Variants in DOCK6 observed in about 807,000 individuals in gnomAD.
The protein encoded by DOCK6 is dedicator of cytokinesis 6, also known as dedicator of cytokinesis protein 6.
Under a neutral mutation model 230.3 loss-of-function variants are expected in DOCK6, and 167 were observed. The observed-to-expected ratio is 0.73, with a 90% CI of 0.64 to 0.82. The LOEUF (loss-of-function observed/expected upper bound fraction) is 0.82. DOCK6 is among the 40% of genes least tolerant of loss of function. DOCK6 has a pLI of 0.00. For missense variants in DOCK6, 2,598 were observed against 2,825.8 expected (o/e 0.92, Z 1.83); for synonymous variants, 1,148 against 1,185.0 (o/e 0.97, Z 0.64).
intron 1 of DOCK6, among the ~76,000 whole-genome samples, chr19:11,258,850 G>A (rs60279718): frequency 0.017 from 2,651 of 151,508 alleles, 59 homozygotes; most frequent in African/African-American, 0.059. Context: ...TCCACGTCCC[G>A]GGTTCAAGTG....
At chr19:11,229,088 C>A in intron 22 of DOCK6, 53 bp from the exon 23 acceptor site, 1 of 1,552,024 alleles carries the variant, frequency 6.4e-7, no homozygotes, top group Non-Finnish European at 8.8e-7. Context: ...CTTCCCGTAC[C>A]CCCTCTGGAG....
rs1308291669 is a variant in DOCK6 at position 11,214,561 on chromosome 19, T to TG, written c.4194dup (p.Ile1399HisfsTer124). The TG allele has an allele frequency of 6.2e-7, 1 of 1,613,886 alleles. No homozygotes were observed. Among genetic ancestry groups the TG allele is most frequent in the Admixed American group, 1.7e-5 (1 of 60,012 alleles). The stretch of plus-strand genomic sequence containing the variant: ...GCTGGATCAAGCCCTACCTGCACGA[T>TG]GATCTCCAGTGTGTCCAGAACCACT... On this transcript the variant is annotated frameshift_variant, in exon 33 of 48. Transcript: ENST00000294618. LOFTEE classifies it high-confidence loss of function.
chr19:11,233,142 C>T, intron 22 of DOCK6, 61 bp downstream of exon 22: 1 of 1,576,608 alleles, frequency 6.3e-7, no homozygotes. Context: ...AGATTCTTCG[C>T]CCACACACGT....
At chr19:11,227,634 G>A (rs553712142) in intron 23 of DOCK6, among the ~76,000 whole-genome samples, 157 bp from the exon 24 acceptor site, 32 of 151,270 alleles carry the variant, frequency 2.1e-4, no homozygotes, top group Non-Finnish European at 4.1e-4. Context: ...CAGGAGGGGC[G>A]GGGCTTTATT....
At chr19:11,211,922 G>T in intron 36 of DOCK6, 46 bp from the exon 37 acceptor site, 1 of 1,531,534 alleles carries the variant, frequency 6.5e-7, no homozygotes, top group Admixed American at 1.9e-5. Context: ...ATTAGGAAGT[G>T]AAGGGAGCCA....
chr19:11,258,562 A>G (rs1031716951), intron 1 of DOCK6, among the ~76,000 whole-genome samples: 1 of 148,832 alleles, frequency 6.7e-6, no homozygotes, highest in African/African-American at 2.5e-5. Context: ...CCTCCTGAGT[A>G]GCTGGGATTA....
At chr19:11,215,498 G>C in intron 31 of DOCK6, 27 bp from the exon 32 acceptor site, 1 of 1,596,188 alleles carries the variant, frequency 6.3e-7, no homozygotes, top group East Asian at 2.2e-5. Flanking sequence ...CACGATCACA[G>C]ATGCGTAAAA....
intron 24 of DOCK6, 107 bp from the exon 25 acceptor site, chr19:11,223,213 C>A: frequency 2.0e-6 from 2 of 1,004,898 alleles, no homozygotes; most frequent in Non-Finnish European, 2.9e-6. Context: ...ATCACTGCCC[C>A]AAAGCCTTTG....
At chr19:11,217,206 T>C (rs764689076) in intron 29 of DOCK6, 25 bp downstream of exon 29, 1 of 1,608,612 alleles carries the variant, frequency 6.2e-7, no homozygotes, top group Admixed American at 1.7e-5. Context: ...GGATGATGTC[T>C]ATGGGGACAA....
In DOCK6 at chr19:11,252,249, C is replaced by T. The variant is rs781268556; in HGVS notation, c.378-1G>A. 6.3e-7 allele frequency: 1 copy of T among 1,582,494 alleles called. No homozygotes were observed. ...GTATGCTGCACTCAGGTACTGATAC[C>T]TAGCAGGAAACGGGGCTGGGCAGGT... On this transcript the variant is annotated splice_acceptor_variant, in intron 4 of 47. Coordinates refer to ENST00000294618, the MANE Select transcript of DOCK6 (RefSeq NM_020812.4). LOFTEE classifies it high-confidence loss of function.
At chr19:11,235,375 G>A (rs2079829514) in intron 21 of DOCK6, among the ~76,000 whole-genome samples, 1 of 152,134 alleles carries the variant, frequency 6.6e-6, no homozygotes, top group South Asian at 2.1e-4. Context: ...CTCCTAAAGT[G>A]CTGGGATTAT....
At position 11,242,182 on chromosome 19, in the gene DOCK6, C is replaced by T. The variant is rs752669943; in HGVS notation, c.1506G>A (p.Pro502=). Reference sequence around the variant, plus strand: ...GGCAGAAGTGGGGATTTTCAGGAGCCGGAGAAATGTCGATCTTGAGCTGGG... The same window carrying T: ...GGCAGAAGTGGGGATTTTCAGGAGCTGGAGAAATGTCGATCTTGAGCTGGG... ...VTAQLKIDIS[P]APENPHFCLS... is the part of the protein sequence containing the mutation. The change falls in exon 14 of 48, where the codon CCG becomes CCA. Residue 502 remains proline, a synonymous_variant. Transcript: ENST00000294618. The T allele has an allele frequency of 2.5e-5, 37 of 1,459,938 alleles. No homozygotes were observed. The highest frequency in any genetic ancestry group is 1.5e-4 in the South Asian group (9 of 61,306). The allele number at this position is 1,459,938 out of a possible 1,614,324, so 90.4% of individuals were successfully genotyped here. A position where few individuals can be genotyped will look rare whatever the true frequency, so the allele number is the denominator to read the frequency against.
At chr19:11,257,725 G>T (rs917221538) in intron 1 of DOCK6, among the ~76,000 whole-genome samples, 3 of 151,864 alleles carry the variant, frequency 2.0e-5, no homozygotes, top group Admixed American at 6.6e-5. Flanking sequence ...GGAGGTGGAG[G>T]TTGCAGTGAG....
Position 11,253,629 on chromosome 19 carries a change from A to G in DOCK6, c.132+10T>C. ...GCAGAGGGCTGGGGGCGGACCCCCCAAATACTTACCCCCAGGGAGCTGCTG... is the reference window on the plus strand; with the variant it reads ...GCAGAGGGCTGGGGGCGGACCCCCCGAATACTTACCCCCAGGGAGCTGCTG... On this transcript the variant is annotated intron_variant, in intron 2 of 47. Coordinates refer to ENST00000294618, the MANE Select transcript of DOCK6 (RefSeq NM_020812.4). The G allele has an allele frequency of 7.1e-7, 1 of 1,415,966 alleles. No homozygotes were observed. Among genetic ancestry groups the G allele is most frequent in the Middle Eastern group, 1.9e-4 (1 of 5,246 alleles). 87.7% of individuals were successfully genotyped at this position (1,415,966 alleles called of 1,614,324 possible).
chr19:11,250,864 G>C lies in DOCK6; in HGVS notation c.720+10C>G, dbSNP rs759134996. ...TGCTGGTTGGCTGATATCTGGGAAG[G>C]GGCACCCACCTCGTCAGGTGCCGGG... is the stretch of plus-strand genomic sequence containing the variant. On this transcript the variant is annotated intron_variant, in intron 6 of 47. Transcript: ENST00000294618. 2.5e-6 allele frequency: 4 copies of C among 1,591,192 alleles called. No individual in the cohort carries two copies. The African/African-American group carries it at 5.4e-5, about 21-fold the overall frequency.
Position 11,229,281 on chromosome 19 carries a change from G to A in DOCK6, c.2719-246C>T, listed in dbSNP as rs370837130. The A allele has an allele frequency of 5.5e-5, 71 of 1,292,518 alleles. No homozygotes were observed. The African/African-American group carries it at 8.8e-4, about 16-fold the overall frequency. 80.1% of individuals were successfully genotyped at this position (1,292,518 alleles called of 1,614,324 possible). On this transcript the variant is annotated intron_variant, in intron 22 of 47. Transcript: ENST00000294618. ...GACCAGGACAAAAATAGCGTCATCC[G>A]CACCTCCCCCCACTACCTTCTGCAC... is the stretch of plus-strand genomic sequence containing the variant.
At chr19:11,203,589 G>A (rs945302663) in intron 41 of DOCK6, 1 of 162,118 alleles carries the variant, frequency 6.2e-6, no homozygotes, top group Admixed American at 6.3e-5. Flanking sequence ...CCTAAGCAGG[G>A]AAGAAGCGGG....
chr19:11,255,056 G>A (rs2080177224), intron 1 of DOCK6, among the ~76,000 whole-genome samples: 1 of 152,060 alleles, frequency 6.6e-6, no homozygotes, highest in South Asian at 2.1e-4. Context: ...AGGCTGGAGT[G>A]CAATGGCCAC....
Position 11,227,417 on chromosome 19 carries a change from G to A in DOCK6, c.2875C>T (p.Arg959Cys), listed in dbSNP as rs764702542. ...GQRLDTPRKLRFPGRFLDDIT... is the reference protein window; with the variant it reads ...GQRLDTPRKLCFPGRFLDDIT... The stretch of plus-strand genomic sequence containing the variant: ...TCGTCCAGGAAGCGTCCGGGGAAGC[G>A]CAGCTTGCGGGGTGTGTCTAGTCGC... Residue 959 changes from arginine (R) to cysteine (C), a missense_variant, in exon 24 of 48, where the codon CGC (arginine) becomes TGC (cysteine). Arg to Cys is a radical substitution (Grantham distance 180). Transcript: ENST00000294618. 7 of 1,612,864 alleles carry A rather than the reference G, an allele frequency of 4.3e-6. No homozygotes were observed. Among genetic ancestry groups the A allele is most frequent in the South Asian group, 2.2e-5 (2 of 90,938 alleles).
Sources: allele counts gnomAD v4.1 joint callset (sites outside exome capture counted in the v4.1 genomes callset), GRCh38; gene constraint gnomAD v4.1.1; transcripts MANE v1.5; gene names NCBI Gene and HGNC (gene_info 2026-07-23, HGNC 2026-07-21).